STX7: variants seen among roughly 807,000 people sequenced by gnomAD.
STX7 encodes syntaxin 7.
STX7 carries 34 observed loss-of-function variants against 39.6 expected under a neutral mutation model. That is an observed-to-expected ratio of 0.86 (90% CI 0.65 to 1.14). STX7 has a LOEUF of 1.14. Ranked by LOEUF, STX7 falls within the 50% of genes most tolerant of loss-of-function variation. STX7 has a pLI of 0.00. For missense variants in STX7, 284 were observed against 310.4 expected (o/e 0.92, Z 0.64); for synonymous variants, 119 against 99.1 (o/e 1.20, Z -1.19).
intron 2 of STX7, among the ~76,000 whole-genome samples, chr6:132,497,784 A>G (rs1308794366): frequency 6.6e-6 from 1 of 152,224 alleles, no homozygotes; most frequent in Non-Finnish European, 1.5e-5. Flanking sequence ...CTTATACTAT[A>G]CATCACAGCT....
rs1774001802 is a variant in STX7 at position 132,445,896 on chromosome 6, CAT to C, written c.*14860_*14861del. 1 of 152,120 alleles carries C rather than the reference CAT, an allele frequency of 6.6e-6. No individual in the cohort carries two copies. The highest frequency in any genetic ancestry group is 1.5e-5 in the Non-Finnish European group (1 of 68,006). The allele number at this position is 152,120 out of a possible 1,614,324, so 9.4% of individuals were successfully genotyped here. On this transcript the variant is annotated 3_prime_UTR_variant, in exon 10 of 10. Coordinates refer to ENST00000367941, the MANE Select transcript of STX7 (RefSeq NM_003569.3). ...CATTTCAGTATTCAGAGTTTTATAACATTTTGAAAAAGTAAATTTTCTTTTGA... is the reference window on the plus strand; with the variant it reads ...CATTTCAGTATTCAGAGTTTTATAACTTTGAAAAAGTAAATTTTCTTTTGA...
rs73549927 is a variant in STX7, at chr6:132,451,828, T to C, written c.*8930A>G. 3.2e-3 allele frequency: 492 copies of C among 152,318 alleles called. 4 individuals are homozygous for C. Among genetic ancestry groups the C allele is most frequent in the African/African-American group, 0.011 (439 of 41,580 alleles). 9.4% of individuals were successfully genotyped at this position (152,318 alleles called of 1,614,324 possible). On this transcript the variant is annotated 3_prime_UTR_variant, in exon 10 of 10. Transcript: ENST00000367941. ...AAATCTCCAGGCCCAGATGATTTCA[T>C]TGGAAAGTTCTATCAAATGTTTTAA...
At chr6:132,462,579 A>AGG (rs1051050901) in intron 9 of STX7, among the ~76,000 whole-genome samples, 11 of 116,474 alleles carry the variant, frequency 9.4e-5, no homozygotes, top group South Asian at 3.3e-4. Context: ...TGGCATTTGC[A>AGG]GGGGTGTGTG....
chr6:132,492,066 T>C (rs1775303297), intron 2 of STX7, among the ~76,000 whole-genome samples: 1 of 152,018 alleles, frequency 6.6e-6, no homozygotes, highest in South Asian at 2.1e-4. Flanking sequence ...CCACCCAGAG[T>C]AAAAGTCCTT....
At chr6:132,494,057 A>AC (rs2114449380) in intron 2 of STX7, among the ~76,000 whole-genome samples, 1 of 152,372 alleles carries the variant, frequency 6.6e-6, no homozygotes, top group African/African-American at 2.4e-5. Context: ...TCACATGGTC[A>AC]CCATGACACT....
chr6:132,457,706 T>C lies in STX7; in HGVS notation c.*3052A>G, dbSNP rs1774276114. The C allele has an allele frequency of 1.3e-5, 2 of 152,194 alleles. No homozygotes were observed. Among genetic ancestry groups the C allele is most frequent in the Non-Finnish European group, 2.9e-5 (2 of 68,034 alleles). 9.4% of individuals were successfully genotyped at this position (152,194 alleles called of 1,614,324 possible). A position where few individuals can be genotyped will look rare whatever the true frequency, so the allele number is the denominator to read the frequency against. ...TTTTCCAGGAAAGACAGATGTTATT[T>C]ACCACCAATGAATTTTTATCATATT... On this transcript the variant is annotated 3_prime_UTR_variant, in exon 10 of 10. Transcript: ENST00000367941.
intron 2 of STX7, among the ~76,000 whole-genome samples, chr6:132,478,942 T>G (rs1261427088): frequency 1.3e-5 from 2 of 152,216 alleles, no homozygotes; most frequent in African/African-American, 4.8e-5. Context: ...CATCTCCTCC[T>G]ACAGGACACT....
chr6:132,474,597 C>A (rs1768498560), intron 3 of STX7, among the ~76,000 whole-genome samples: 2 of 151,566 alleles, frequency 1.3e-5, no homozygotes, highest in South Asian at 4.2e-4. Context: ...ACAGCTGTAA[C>A]AGTACTGAAA....
In STX7 at chr6:132,460,685, A is replaced by T. The variant is rs541263985; in HGVS notation, c.*73T>A. On this transcript the variant is annotated 3_prime_UTR_variant, in exon 10 of 10. Transcript: ENST00000367941. ...ATACAATAGCTTTAAAATAATAATT[A>T]AAAAAACATGATTACAGGAATCTTC... 1.3e-4 allele frequency: 159 copies of T among 1,191,136 alleles called. No individual in the cohort carries two copies. Among genetic ancestry groups the T allele is most frequent in the Admixed American group, 4.4e-4 (20 of 45,896 alleles). 73.8% of individuals were successfully genotyped at this position (1,191,136 alleles called of 1,614,324 possible).
chr6:132,495,782 C>T (rs1775408121), intron 2 of STX7, among the ~76,000 whole-genome samples: 1 of 152,160 alleles, frequency 6.6e-6, no homozygotes, highest in Non-Finnish European at 1.5e-5. Flanking sequence ...AGGGCTCACA[C>T]TTTTACATAG....
At chr6:132,497,438 A>G (rs1775444778) in intron 2 of STX7, among the ~76,000 whole-genome samples, 1 of 152,228 alleles carries the variant, frequency 6.6e-6, no homozygotes, top group Admixed American at 6.5e-5. Flanking sequence ...AGAAGGTTTT[A>G]GGGGACTAAG....
intron 9 of STX7, 59 bp downstream of exon 9, chr6:132,463,932 AAC>A (rs112655932): frequency 8.4e-3 from 11,191 of 1,326,390 alleles, no homozygotes; most frequent in Non-Finnish European, 9.5e-3. Flanking sequence ...CCTCAACACA[AAC>A]ACACACACAC....
At chr6:132,486,780 C>T (rs562882476) in intron 2 of STX7, among the ~76,000 whole-genome samples, 18 of 151,610 alleles carry the variant, frequency 1.2e-4, no homozygotes, top group African/African-American at 3.9e-4. Flanking sequence ...ATTCTCCTGC[C>T]TCAGTCTCCC....
chr6:132,478,763 T>C (rs1328725334), intron 2 of STX7, among the ~76,000 whole-genome samples: 3 of 152,194 alleles, frequency 2.0e-5, no homozygotes, highest in Non-Finnish European at 4.4e-5. Context: ...GCAACCTGTA[T>C]ATACCTGCTT....
intron 1 of STX7, among the ~76,000 whole-genome samples, chr6:132,507,171 G>A (rs1171158970): frequency 6.6e-6 from 1 of 152,108 alleles, no homozygotes; most frequent in African/African-American, 2.4e-5. Context: ...TGAGGGATGA[G>A]AAATTACTTA....
intron 9 of STX7, chr6:132,461,742 A>G (rs893279349): frequency 1.6e-6 from 2 of 1,265,770 alleles, no homozygotes; most frequent in Non-Finnish European, 2.2e-6. Context: ...AAACAAAATC[A>G]TAATGCTGTC....
At chr6:132,470,487 T>G in intron 6 of STX7, 87 bp downstream of exon 6, 2 of 967,214 alleles carry the variant, frequency 2.1e-6, no homozygotes, top group Non-Finnish European at 3.1e-6. Flanking sequence ...TATAATATAT[T>G]GAAAGCTTTA....
At position 132,503,495 on chromosome 6, in the gene STX7, G is replaced by A. The variant is rs768447800; in HGVS notation, c.36C>T (p.Ala12=). The part of the protein sequence containing the change: ...SYTPGVGGDP[A]QLAQRISSNI... Reference sequence around the variant, plus strand: ...TAGAAGAGATCCTCTGGGCCAACTGGGCGGGGTCACCACCAACTCCTGGAG... The same window carrying A: ...TAGAAGAGATCCTCTGGGCCAACTGAGCGGGGTCACCACCAACTCCTGGAG... Residue 12 remains alanine (A), a synonymous_variant, in exon 2 of 10, where the codon GCC becomes GCT. Transcript: ENST00000367941. The A allele has an allele frequency of 1.2e-6, 2 of 1,614,046 alleles. No individual in the cohort carries two copies. Among genetic ancestry groups the A allele is most frequent in the South Asian group, 1.1e-5 (1 of 91,078 alleles).
intron 2 of STX7, among the ~76,000 whole-genome samples, chr6:132,486,786 C>T (rs898736590): frequency 2.6e-5 from 4 of 151,184 alleles, no homozygotes; most frequent in African/African-American, 9.7e-5. Flanking sequence ...CTGCCTCAGT[C>T]TCCCAAGTAG....
Sources: allele counts gnomAD v4.1 joint callset (sites outside exome capture counted in the v4.1 genomes callset), GRCh38; gene constraint gnomAD v4.1.1; transcripts MANE v1.5; gene names NCBI Gene and HGNC (gene_info 2026-07-23, HGNC 2026-07-21).